Variants in CNTN5 observed in about 807,000 individuals in gnomAD.
CNTN5 encodes the protein contactin 5, also known as contactin-5.
Under a neutral mutation model 129.1 loss-of-function variants are expected in CNTN5, and 77 were observed. The observed-to-expected ratio is 0.60, with a 90% CI of 0.50 to 0.72. CNTN5 has a LOEUF of 0.72. CNTN5 is among the 30% of genes least tolerant of loss of function. The pLI, the probability that CNTN5 is intolerant of heterozygous loss-of-function variation, is 0.00. For missense variants in CNTN5, 1,478 were observed against 1,328.8 expected (o/e 1.11, Z -1.75); for synonymous variants, 509 against 465.6 (o/e 1.09, Z -1.20).
At chr11:99,372,325 G>A (rs1010739671) in intron 2 of CNTN5, among the ~76,000 whole-genome samples, 1 of 151,972 alleles carries the variant, frequency 6.6e-6, no homozygotes. Flanking sequence ...GAGAGCACAC[G>A]TAAAGAAACA....
intron 6 of CNTN5, among the ~76,000 whole-genome samples, chr11:99,855,705 A>C (rs1023502526): frequency 1.3e-5 from 2 of 152,162 alleles, no homozygotes; most frequent in Admixed American, 1.3e-4. Flanking sequence ...TCTTCCAGGG[A>C]AATATTCTGC....
intron 1 of CNTN5, among the ~76,000 whole-genome samples, chr11:99,179,247 G>T (rs1349662891): frequency 6.6e-6 from 1 of 152,048 alleles, no homozygotes; most frequent in Non-Finnish European, 1.5e-5. Flanking sequence ...TTTCAGACCA[G>T]CCTGGCCAAC....
At chr11:99,755,515 T>C (rs1478990323) in intron 3 of CNTN5, among the ~76,000 whole-genome samples, 1 of 152,202 alleles carries the variant, frequency 6.6e-6, no homozygotes, top group African/African-American at 2.4e-5. Flanking sequence ...TTGCCATCTG[T>C]ATATCTTTTT....
chr11:99,675,608 C>A (rs1018397578), intron 3 of CNTN5, among the ~76,000 whole-genome samples: 2 of 152,104 alleles, frequency 1.3e-5, no homozygotes, highest in African/African-American at 2.4e-5. Context: ...TTGCTTTAAC[C>A]TGGGAGGTGG....
At chr11:99,386,063 C>T (rs1186574014) in intron 2 of CNTN5, among the ~76,000 whole-genome samples, 2 of 152,214 alleles carry the variant, frequency 1.3e-5, no homozygotes, top group African/African-American at 4.8e-5. Flanking sequence ...ACGGCATATA[C>T]TGATCTACTC....
chr11:100,051,740 A>G (rs1027753115), intron 9 of CNTN5, among the ~76,000 whole-genome samples: 71 of 151,898 alleles, frequency 4.7e-4, no homozygotes, highest in Non-Finnish European at 7.8e-4. Context: ...AATTTAACCA[A>G]TATCAATCAT....
chr11:99,322,424 A>G (rs1330761389), intron 1 of CNTN5, among the ~76,000 whole-genome samples: 1 of 152,138 alleles, frequency 6.6e-6, no homozygotes, highest in African/African-American at 2.4e-5. Flanking sequence ...AAACTTTTTT[A>G]AAAATCTCAT....
chr11:100,086,121 T>A (rs1428481762), intron 13 of CNTN5, among the ~76,000 whole-genome samples: 1 of 151,898 alleles, frequency 6.6e-6, no homozygotes, highest in Non-Finnish European at 1.5e-5. Context: ...ATGCACAGAT[T>A]GAGTTCAAGC....
At chr11:99,924,752 A>T (rs947860682) in intron 7 of CNTN5, among the ~76,000 whole-genome samples, 1 of 152,102 alleles carries the variant, frequency 6.6e-6, no homozygotes, top group African/African-American at 2.4e-5. Context: ...TATTCATTTC[A>T]AAATTTAATA....
chr11:99,153,814 G>A (rs1407902897), intron 1 of CNTN5, among the ~76,000 whole-genome samples: 1 of 87,820 alleles, frequency 1.1e-5, no homozygotes, highest in Non-Finnish European at 2.2e-5. Context: ...CCTTTGAATG[G>A]CTTTTTTTTT....
At chr11:99,807,854 G>C (rs1946319119) in intron 3 of CNTN5, among the ~76,000 whole-genome samples, 1 of 152,128 alleles carries the variant, frequency 6.6e-6, no homozygotes, top group South Asian at 2.1e-4. Flanking sequence ...ATCAAGATCA[G>C]AGATGATTTT....
At chr11:99,145,152 C>T (rs562509391) in intron 1 of CNTN5, among the ~76,000 whole-genome samples, 1 of 152,224 alleles carries the variant, frequency 6.6e-6, no homozygotes, top group Non-Finnish European at 1.5e-5. Context: ...TCGCTACAAC[C>T]TCAGCCTCCT....
intron 3 of CNTN5, among the ~76,000 whole-genome samples, chr11:99,787,761 T>C (rs1945587849): frequency 6.6e-6 from 1 of 152,002 alleles, no homozygotes; most frequent in South Asian, 2.1e-4. Context: ...ATATCAGACA[T>C]GTGCTATACA....
intron 3 of CNTN5, among the ~76,000 whole-genome samples, chr11:99,775,020 A>G (rs1196840723): frequency 6.6e-6 from 1 of 152,050 alleles, no homozygotes; most frequent in South Asian, 2.1e-4. Flanking sequence ...TAAATTGACC[A>G]TGCTTTGGCA....
chr11:99,450,799 G>C (rs1405579724), intron 2 of CNTN5, among the ~76,000 whole-genome samples: 1 of 107,178 alleles, frequency 9.3e-6, no homozygotes, highest in Admixed American at 1.2e-4. Flanking sequence ...TTGCTCTTCT[G>C]CACATGTCTG....
intron 1 of CNTN5, among the ~76,000 whole-genome samples, chr11:99,216,230 A>G (rs4475887): frequency 0.65 from 99,070 of 151,906 alleles, 32,709 homozygotes; most frequent in Middle Eastern, 0.74. Context: ...GTTCCCACAT[A>G]TAAGTGAGAA....
chr11:100,309,019 T>G (rs1370872700), intron 21 of CNTN5: 2 of 985,094 alleles, frequency 2.0e-6, no homozygotes, highest in Non-Finnish European at 2.4e-6. Context: ...CAATGAAATT[T>G]TAGCCTCCGC....
At chr11:99,531,295 G>T (rs534778738) in intron 2 of CNTN5, among the ~76,000 whole-genome samples, 1 of 152,156 alleles carries the variant, frequency 6.6e-6, no homozygotes, top group South Asian at 2.1e-4. Context: ...ATGATTTAGG[G>T]TTTCTGGCGG....
chr11:99,095,996 T>C (rs1264918552), intron 1 of CNTN5, among the ~76,000 whole-genome samples: 1 of 152,056 alleles, frequency 6.6e-6, no homozygotes, highest in African/African-American at 2.4e-5. Context: ...TTCAATTTTA[T>C]TCAAACAGCA....
Sources: gnomAD v4.1 joint callset for allele counts (sites outside exome capture counted in the v4.1 genomes callset) on GRCh38, gnomAD v4.1.1 for gene constraint, MANE v1.5 for transcripts, NCBI Gene and HGNC (gene_info 2026-07-23, HGNC 2026-07-21) for gene names.